The following NEBL variants were observed in gnomAD, a reference collection of about 807,000 sequenced individuals.
NEBL encodes the protein nebulette.
In NEBL, 122 loss-of-function variants were observed where a neutral mutation model predicts 140.2. That is an observed-to-expected ratio of 0.87 (90% CI 0.75 to 1.01). The LOEUF is 1.01. Ranked by LOEUF, NEBL falls within the 50% of genes least tolerant of loss-of-function variation. NEBL has a pLI of 0.00. For missense variants in NEBL, 1,365 were observed against 1,231.3 expected (o/e 1.11, Z -1.62); for synonymous variants, 436 against 398.9 (o/e 1.09, Z -1.11).
intron 26 of NEBL, among the ~76,000 whole-genome samples, chr10:20,799,397 C>G (rs376667875): frequency 6.6e-6 from 1 of 152,140 alleles, no homozygotes; most frequent in Non-Finnish European, 1.5e-5. Flanking sequence ...CTCTAGTGAT[C>G]CACCCACCTC....
At chr10:20,864,232 AG>A (rs1437404882) in intron 7 of NEBL, among the ~76,000 whole-genome samples, 2 of 152,214 alleles carry the variant, frequency 1.3e-5, no homozygotes, top group Non-Finnish European at 1.5e-5. Flanking sequence ...GAATTTTTAA[AG>A]TCAATGACTT....
intron 3 of NEBL, among the ~76,000 whole-genome samples, chr10:21,235,179 C>T (rs1169659133): frequency 6.6e-6 from 1 of 151,922 alleles, no homozygotes; most frequent in African/African-American, 2.4e-5. Context: ...GCCTGTAGTC[C>T]CAGCTGCTCG....
intron 2 of NEBL, among the ~76,000 whole-genome samples, chr10:21,135,956 C>T (rs1839337447): frequency 1.3e-5 from 2 of 152,224 alleles, no homozygotes; most frequent in Admixed American, 1.3e-4. Flanking sequence ...CTTTCTGGAA[C>T]TTGAAAAGCT....
Position 20,823,274 on chromosome 10 carries a change from A to G in NEBL, c.1896T>C (p.His632=). 1.9e-6 allele frequency: 3 copies of G among 1,608,758 alleles called. No individual in the cohort carries two copies. The highest frequency in any genetic ancestry group is 2.5e-6 in the Non-Finnish European group (3 of 1,177,554). ...SSVKYKEEIK[H]ATAISDPPEL... ...CTGGAGGATCAGAAATGGCTGTTGC[A>G]TGTTTAATCTCTTCTTTGTATTTCA... Residue 632 remains histidine, a synonymous_variant, in exon 19 of 28, where the codon CAT becomes CAC. Transcript: ENST00000377122.
intron 4 of NEBL, among the ~76,000 whole-genome samples, chr10:20,903,096 GC>G (rs1476889648): frequency 1.3e-5 from 2 of 151,988 alleles, no homozygotes; most frequent in Admixed American, 6.6e-5. Flanking sequence ...TGTGTTCCAA[GC>G]CCCCCAATAG....
chr10:21,202,589 A>C (rs1033278437), intron 3 of NEBL, among the ~76,000 whole-genome samples: 2 of 150,966 alleles, frequency 1.3e-5, no homozygotes, highest in Non-Finnish European at 2.9e-5. Flanking sequence ...CAGCCTCCCA[A>C]GTAGCTGGGA....
rs1382109831 is a variant in NEBL, at chr10:20,819,503, T to A, written c.1976A>T (p.Glu659Val). The A allele has an allele frequency of 1.2e-6, 2 of 1,613,946 alleles. No individual in the cohort carries two copies. Among genetic ancestry groups the A allele is most frequent in the Non-Finnish European group, 1.7e-6 (2 of 1,179,970 alleles). The change falls in exon 20 of 28, where the codon GAG becomes GTG. Residue 659 changes from glutamate (E) to valine (V), a missense_variant. Physicochemically the swap from Glu to Val is moderately radical, Grantham distance 121. Transcript: ENST00000377122. ...QKNISNLQYKEQNYKATPVSM... is the reference protein window; with the variant it reads ...QKNISNLQYKVQNYKATPVSM... ...TACCGGAGTGGCCTTGTAGTTTTGC[T>A]CTTTATACTGGAGCTGAGAGACAAG...
At chr10:21,221,990 G>C (rs1797701691) in intron 3 of NEBL, among the ~76,000 whole-genome samples, 1 of 151,878 alleles carries the variant, frequency 6.6e-6, no homozygotes, top group Non-Finnish European at 1.5e-5. Flanking sequence ...CTCTGAGCAA[G>C]CCCGTTCTCT....
chr10:20,834,656 A>G (rs548603245), intron 14 of NEBL, among the ~76,000 whole-genome samples: 2 of 152,298 alleles, frequency 1.3e-5, no homozygotes, highest in South Asian at 4.1e-4. Flanking sequence ...TACTCCACTG[A>G]AGCCCCCACC....
intron 3 of NEBL, among the ~76,000 whole-genome samples, chr10:21,220,515 T>C (rs1290939559): frequency 6.6e-6 from 1 of 152,196 alleles, no homozygotes; most frequent in African/African-American, 2.4e-5. Flanking sequence ...AATTAAGGGC[T>C]TAAATGTAAG....
intron 4 of NEBL, among the ~76,000 whole-genome samples, chr10:20,946,077 G>A (rs775649414): frequency 4.6e-5 from 7 of 152,084 alleles, no homozygotes; most frequent in South Asian, 2.1e-4. Flanking sequence ...CCCTCTATTC[G>A]GGTATGTGGG....
chr10:21,190,040 A>C (rs1046445944), intron 3 of NEBL, among the ~76,000 whole-genome samples: 1 of 152,192 alleles, frequency 6.6e-6, no homozygotes, highest in Non-Finnish European at 1.5e-5. Context: ...GCTTCAGGGC[A>C]AGAAGGAATC....
At chr10:20,797,670 G>A (rs1836686005) in intron 26 of NEBL, among the ~76,000 whole-genome samples, 1 of 150,970 alleles carries the variant, frequency 6.6e-6, no homozygotes, top group Non-Finnish European at 1.5e-5. Flanking sequence ...TTCCCTGCCA[G>A]GTAGGGAGGT....
intron 4 of NEBL, among the ~76,000 whole-genome samples, chr10:20,952,647 G>A (rs560898347): frequency 2.3e-4 from 35 of 152,056 alleles, no homozygotes; most frequent in African/African-American, 7.7e-4. Flanking sequence ...GCTCACGCCT[G>A]TAATCCCAAC....
intron 4 of NEBL, among the ~76,000 whole-genome samples, chr10:20,922,989 G>A (rs182318513): frequency 3.3e-5 from 5 of 152,202 alleles, no homozygotes; most frequent in Non-Finnish European, 7.3e-5. Flanking sequence ...TAGAATGTTT[G>A]TTAAATGAAT....
chr10:20,812,314 A>G (rs1838230046), intron 24 of NEBL, among the ~76,000 whole-genome samples: 1 of 151,924 alleles, frequency 6.6e-6, no homozygotes, highest in Non-Finnish European at 1.5e-5. Context: ...AACAAGGAGG[A>G]ACATTCTTTT....
chr10:20,788,563 T>A (rs1034614297), intron 26 of NEBL, among the ~76,000 whole-genome samples: 13 of 152,154 alleles, frequency 8.5e-5, no homozygotes, highest in African/African-American at 3.1e-4. Context: ...TGAAAGGGGA[T>A]TTTTTAAATA....
At chr10:20,893,941 T>G (rs1847232949) in intron 2 of NEBL, among the ~76,000 whole-genome samples, 1 of 152,210 alleles carries the variant, frequency 6.6e-6, no homozygotes, top group Admixed American at 6.5e-5. Context: ...CTAACAGCTT[T>G]CTGCAGCTCC....
Position 20,831,567 on chromosome 10 carries a change from T to A in NEBL, c.1466A>T (p.Asp489Val), listed in dbSNP as rs753415890. The change falls in exon 15 of 28, where the codon GAT becomes GTT. Residue 489 changes from aspartate to valine, a missense_variant. Physicochemically the swap from Asp to Val is radical, Grantham distance 152. Around this residue, in one of 2 missense-constraint regions of NEBL, gnomAD observed 1,323 missense variants for 1,154.8 expected, o/e 1.15. Coordinates refer to ENST00000377122, the MANE Select transcript of NEBL (RefSeq NM_006393.3). ...TTTCCCTTTAATTTCAGTCTCCAGA[T>A]CTCTTTTATAGTCTTTCTGCAGAAA... The part of the protein sequence containing the change: ...EIASEKDYKR[D>V]LETEIKGKGM... The A allele has an allele frequency of 6.8e-6, 11 of 1,606,316 alleles. No individual in the cohort carries two copies. Among genetic ancestry groups the A allele is most frequent in the East Asian group, 2.2e-5 (1 of 44,816 alleles).
Sources: allele counts gnomAD v4.1 joint callset (sites outside exome capture counted in the v4.1 genomes callset), GRCh38; gene constraint gnomAD v4.1.1; regional missense constraint gnomAD v4.1.1; transcripts MANE v1.5; gene names NCBI Gene and HGNC (gene_info 2026-07-23, HGNC 2026-07-21).